NOS1: variants seen among roughly 807,000 people sequenced by gnomAD.
NOS1 encodes NOS type I.
A neutral mutation model predicts 164.5 loss-of-function variants in NOS1; 51 were observed. The observed-to-expected ratio is 0.31, with a 90% confidence interval of 0.25 to 0.39. The LOEUF is 0.39. NOS1 is among the 10% of genes least tolerant of loss of function. NOS1 has a pLI of 1.00. For missense variants in NOS1, 1,362 were observed against 1,885.6 expected, an observed-to-expected ratio of 0.72 and a Z score of 5.14; for synonymous variants, 719 against 745.8, an observed-to-expected ratio of 0.96 and a Z score of 0.59.
At chr12:117,236,447 C>G (rs754657843) in intron 20 of NOS1, among the ~76,000 whole-genome samples, 1 of 152,116 alleles carries the variant, frequency 6.6e-6, no homozygotes, top group Non-Finnish European at 1.5e-5. Context: ...AAGGCATCCC[C>G]GCCCTTAGCA....
intron 2 of NOS1, among the ~76,000 whole-genome samples, chr12:117,327,062 A>C (rs1566077754): frequency 6.6e-6 from 1 of 152,148 alleles, no homozygotes; most frequent in Non-Finnish European, 1.5e-5. Flanking sequence ...GCTGAAATAG[A>C]GCCCCTCAGA....
rs940780088 is a variant in NOS1, at chr12:117,330,477, C to G, written c.593G>C (p.Gly198Ala). The G allele has an allele frequency of 1.9e-6, 3 of 1,614,124 alleles. No homozygotes were observed. The African/African-American group carries it at 4.0e-5, about 22-fold the overall frequency. ...AKKATRVSLQGRGENNELLKE... is the reference protein window; with the variant it reads ...AKKATRVSLQARGENNELLKE... ...GAGCAGTTCATTGTTCTCCCCTCTGCCTTGGAGGCTGACTCTGGTTGCTTT... is the reference window on the plus strand; with the variant it reads ...GAGCAGTTCATTGTTCTCCCCTCTGGCTTGGAGGCTGACTCTGGTTGCTTT... Residue 198 changes from glycine (G) to alanine (A), a missense_variant, in exon 2 of 29, where the codon GGC becomes GCC. By Grantham distance (60) the Gly-to-Ala change is moderately conservative. Coordinates refer to ENST00000317775, the MANE Select transcript of NOS1 (RefSeq NM_000620.5). This position sits in a 1 kb window ranked among gnomAD's most constrained non-coding sequence, Gnocchi z 4.6.
chr12:117,331,360 G>T lies in NOS1; in HGVS notation c.-291C>A. On this transcript the variant is annotated 5_prime_UTR_variant, in exon 2 of 29. Transcript: ENST00000317775. ...AGAGGCGGTGGGACGTGTCCCTAAG[G>T]TCAGGCAGAAAGGGGAGGAGATGCG... is the stretch of plus-strand genomic sequence containing the variant. 2.4e-6 allele frequency: 1 copy of T among 424,778 alleles called. No homozygotes were observed. Among genetic ancestry groups the T allele is most frequent in the Non-Finnish European group, 4.3e-6 (1 of 233,138 alleles). 26.3% of individuals were successfully genotyped at this position (424,778 alleles called of 1,614,324 possible).
rs1877047998 is a variant in NOS1 at position 117,359,893 on chromosome 12, T to TCAGC, written c.-421+1618_-421+1619insGCTG. On this transcript the variant is annotated intron_variant, in intron 1 of 28. Coordinates refer to ENST00000317775, the MANE Select transcript of NOS1 (RefSeq NM_000620.5). ...TAATGGTTTTATATATATATATATATATATATATATATATATATATATATA... is the reference window on the plus strand; with the variant it reads ...TAATGGTTTTATATATATATATATATCAGCATATATATATATATATATATATATA... Among the ~76,000 whole-genome samples the TCAGC allele has an allele frequency of 5.7e-5, 2 of 34,990 alleles. 1 individual carries two copies. The highest frequency in any genetic ancestry group is 1.1e-4 in the Non-Finnish European group (2 of 18,032). 23.0% of individuals were successfully genotyped at this position (34,990 alleles called of 152,430 possible). A position where few individuals can be genotyped will look rare whatever the true frequency, so the allele number is the denominator to read the frequency against.
At position 117,258,463 on chromosome 12, in the gene NOS1, C is replaced by A. The variant is rs766774641; in HGVS notation, c.2473-8G>T. The A allele has an allele frequency of 1.9e-6, 3 of 1,613,960 alleles. No individual in the cohort carries two copies. The highest frequency in any genetic ancestry group is 2.2e-5 in the East Asian group (1 of 44,866). On this transcript the variant is annotated splice_region_variant and splice_polypyrimidine_tract_variant and intron_variant, in intron 15 of 28. Transcript: ENST00000317775. ...CAAAGCACAGCCGAATTTCTGGAAG[C>A]CAAAACATATGGGTGAAATTAGCAC...
At chr12:117,230,426 C>A (rs1270904987) in intron 22 of NOS1, among the ~76,000 whole-genome samples, 1 of 152,192 alleles carries the variant, frequency 6.6e-6, no homozygotes, top group East Asian at 1.9e-4. Flanking sequence ...CTTCCAAGTC[C>A]TTGGAGGTAA....
At chr12:117,237,719 TAAATATTGTCACCTGTG>T (rs1430105205) in intron 20 of NOS1, among the ~76,000 whole-genome samples, 2 of 149,936 alleles carry the variant, frequency 1.3e-5, no homozygotes, top group Non-Finnish European at 3.0e-5. Context: ...GTGAAAAGAG[TAAATATTGTCACCTGTG>T]AACTGCTCAA....
At position 117,227,448 on chromosome 12, in the gene NOS1, A is replaced by G; in HGVS notation, c.3599T>C (p.Val1200Ala). 1 of 1,613,918 alleles carries G rather than the reference A, an allele frequency of 6.2e-7. No individual in the cohort carries two copies. The highest frequency in any genetic ancestry group is 8.5e-7 in the Non-Finnish European group (1 of 1,179,994). Residue 1200 changes from valine to alanine, a missense_variant, in exon 23 of 29, where the codon GTT (valine) becomes GCT (alanine). Around this residue, in one of 4 missense-constraint regions of NOS1, gnomAD observed 737 missense variants for 1,030.3 expected, o/e 0.72. Coordinates refer to ENST00000317775, the MANE Select transcript of NOS1 (RefSeq NM_000620.5). Reference sequence around the variant, plus strand: ...CCGCCCACCTCGAGTGCGGTAGGAAACGATGGCCACAGTGAGGTGCACTTC... The same window carrying G: ...CCGCCCACCTCGAGTGCGGTAGGAAGCGATGGCCACAGTGAGGTGCACTTC... Reference protein sequence around the residue: ...PDEVHLTVAIVSYRTRDGEGP... With the variant: ...PDEVHLTVAIASYRTRDGEGP...
At position 117,278,149 on chromosome 12, in the gene NOS1, C is replaced by G. The variant is rs374009865; in HGVS notation, c.1525-51G>C. 6 of 1,557,872 alleles carry G rather than the reference C, an allele frequency of 3.9e-6. No homozygotes were observed. In the South Asian group the frequency reaches 5.9e-5, roughly 15 times the overall value. Reference sequence around the variant, plus strand: ...GCCACTGTACCCCACACCCTACAAACACAACCCTTATGTGGGAAGCGGGGG... The same window carrying G: ...GCCACTGTACCCCACACCCTACAAAGACAACCCTTATGTGGGAAGCGGGGG... On this transcript the variant is annotated intron_variant, in intron 8 of 28. Coordinates refer to ENST00000317775, the MANE Select transcript of NOS1 (RefSeq NM_000620.5).
At chr12:117,320,770 C>T (rs369944407) in intron 2 of NOS1, among the ~76,000 whole-genome samples, 29 of 152,280 alleles carry the variant, frequency 1.9e-4, no homozygotes, top group Admixed American at 5.2e-4. Context: ...GTCCTTTGCA[C>T]GTCCCAACCC....
chr12:117,259,946 C>G (rs58734298), intron 14 of NOS1, among the ~76,000 whole-genome samples: 1 of 151,824 alleles, frequency 6.6e-6, no homozygotes, highest in East Asian at 1.9e-4. Context: ...AGTGAAGCCC[C>G]GTCTCTACTA....
Position 117,330,294 on chromosome 12 carries a change from AAG to A in NOS1, c.725+49_725+50del, listed in dbSNP as rs1875462374. On this transcript the variant is annotated intron_variant, in intron 2 of 28. Transcript: ENST00000317775. This position sits in a 1 kb window ranked among gnomAD's most constrained non-coding sequence, Gnocchi z 4.6. ...TCAGTAGACGCACATGCACACACACAAGCATGCACACACACACACACACACAC... is the reference window on the plus strand; with the variant it reads ...TCAGTAGACGCACATGCACACACACACATGCACACACACACACACACACAC... 2.1e-6 allele frequency: 3 copies of A among 1,462,216 alleles called. No individual in the cohort carries two copies. Among genetic ancestry groups the A allele is most frequent in the African/African-American group, 3.4e-5 (2 of 58,728 alleles). The allele number at this position is 1,462,216 out of a possible 1,614,324, so 90.6% of individuals were successfully genotyped here.
At chr12:117,223,265 CTTT>C (rs112723960) in intron 25 of NOS1, among the ~76,000 whole-genome samples, 2 of 143,434 alleles carry the variant, frequency 1.4e-5, no homozygotes, top group African/African-American at 2.5e-5. Flanking sequence ...ACTTACTCAA[CTTT>C]TTTTTTTTTT....
intron 2 of NOS1, among the ~76,000 whole-genome samples, chr12:117,322,891 GCCTC>G (rs147707829): frequency 2.2e-5 from 3 of 138,296 alleles, no homozygotes; most frequent in African/African-American, 8.2e-5. Flanking sequence ...ATTCTTCCTT[GCCTC>G]CCTCCCTCCC....
intron 16 of NOS1, among the ~76,000 whole-genome samples, 161 bp from the exon 17 acceptor site, chr12:117,253,915 C>T (rs1428604894): frequency 1.3e-5 from 2 of 152,150 alleles, no homozygotes. Flanking sequence ...AATCTACCAA[C>T]TTACCCTTGT....
intron 8 of NOS1, among the ~76,000 whole-genome samples, chr12:117,279,445 G>A (rs1216318168): frequency 6.6e-6 from 1 of 151,970 alleles, no homozygotes; most frequent in Non-Finnish European, 1.5e-5. Context: ...CCCAGACTTC[G>A]AGATCCAGTG....
rs1241496146 is a variant in NOS1, at chr12:117,356,697, C to G, written c.-421+4815G>C. On this transcript the variant is annotated intron_variant, in intron 1 of 28. Coordinates refer to ENST00000317775, the MANE Select transcript of NOS1 (RefSeq NM_000620.5). The surrounding 1 kb of genome is among the most constrained non-coding windows in gnomAD (Gnocchi z 4.2). ...ACTGCTGTTCATCCTTAGCATCATA[C>G]GACTGTGCCAAGACCCATGTCCACT... Among the ~76,000 whole-genome samples the G allele has an allele frequency of 6.6e-6, 1 of 152,220 alleles. No individual in the cohort carries two copies. Among genetic ancestry groups the G allele is most frequent in the Admixed American group, 6.5e-5 (1 of 15,292 alleles).
intron 20 of NOS1, among the ~76,000 whole-genome samples, chr12:117,240,859 T>G (rs1002497900): frequency 6.6e-6 from 1 of 152,160 alleles, no homozygotes; most frequent in Non-Finnish European, 1.5e-5. Flanking sequence ...CTCAAGAGCC[T>G]ACTCTTAGAC....
At chr12:117,311,892 C>G (rs1187794436) in intron 2 of NOS1, among the ~76,000 whole-genome samples, 1 of 152,152 alleles carries the variant, frequency 6.6e-6, no homozygotes, top group Non-Finnish European at 1.5e-5. Context: ...TTGCTTGTCC[C>G]TCTCCCTTCT....
Sources: gnomAD v4.1 joint callset for allele counts (sites outside exome capture counted in the v4.1 genomes callset) on GRCh38, gnomAD v4.1.1 for gene constraint, gnomAD v4.1.1 regional missense constraint, Gnocchi (gnomAD v3.1) non-coding constraint, MANE v1.5 for transcripts, NCBI Gene and HGNC (gene_info 2026-07-23, HGNC 2026-07-21) for gene names.